ZC4H2: variants seen among roughly 807,000 people sequenced by gnomAD.
The protein encoded by ZC4H2 is zinc finger C4H2 domain-containing protein.
For missense variants in ZC4H2, 137 were observed against 173.9 expected (o/e 0.79, Z 1.19); for synonymous variants, 84 against 66.3 (o/e 1.27, Z -1.30).
chrX:64,925,448 G>A (rs1929386232), intron 1 of ZC4H2, among the ~76,000 whole-genome samples: 1 of 112,034 alleles, frequency 8.9e-6, no homozygotes, highest in African/African-American at 3.2e-5. Flanking sequence ...ACATAAAAAT[G>A]TCAACATAAA....
chrX:64,933,198 T>C (rs1346433054), intron 1 of ZC4H2, among the ~76,000 whole-genome samples: 2 of 112,143 alleles, frequency 1.8e-5, no homozygotes, highest in Admixed American at 1.9e-4. Flanking sequence ...TGTCTTTCAT[T>C]TCCAGTAGCT....
chrX:64,978,316 C>T (rs902904727), upstream of ZC4H2, among the ~76,000 whole-genome samples: 1 of 112,019 alleles, frequency 8.9e-6, no homozygotes, highest in Non-Finnish European at 1.9e-5. Context: ...GATGTAATAA[C>T]TTTCTTAACC....
chrX:64,923,522 C>T (rs1178113478), intron 1 of ZC4H2, among the ~76,000 whole-genome samples: 2 of 110,079 alleles, frequency 1.8e-5, no homozygotes, highest in African/African-American at 3.3e-5. Flanking sequence ...CTGCCATCAG[C>T]CTGCTTGTCT....
chrX:65,007,347 T>A (rs764907688), intron 1 of ZC4H2, among the ~76,000 whole-genome samples: 56 of 112,166 alleles, frequency 5.0e-4, no homozygotes, highest in Non-Finnish European at 9.6e-4. Flanking sequence ...GTTTTCTAGT[T>A]TTTGTTACTG....
At chrX:64,986,971 A>G (rs1932199887) in intron 1 of ZC4H2, among the ~76,000 whole-genome samples, 1 of 91,491 alleles carries the variant, frequency 1.1e-5, no homozygotes, top group African/African-American at 4.5e-5. Flanking sequence ...TCTGTCGCCC[A>G]GGCTGCAGTG....
intron 1 of ZC4H2, among the ~76,000 whole-genome samples, chrX:64,963,165 C>T (rs1177252416): frequency 9.0e-6 from 1 of 111,585 alleles, no homozygotes; most frequent in Non-Finnish European, 1.9e-5. Context: ...ACAAAGTTTA[C>T]AAGAATACAC....
intron 1 of ZC4H2, among the ~76,000 whole-genome samples, chrX:64,974,268 T>C (rs2147419084): frequency 8.9e-6 from 1 of 112,305 alleles, no homozygotes; most frequent in African/African-American, 3.2e-5. Flanking sequence ...TTCTTCTTTA[T>C]GTTTTATATT....
chrX:64,965,495 C>G (rs1350635599), intron 1 of ZC4H2: 1 of 311,913 alleles, frequency 3.2e-6, no homozygotes, highest in Non-Finnish European at 6.2e-6. Context: ...GATCATAGAC[C>G]TAAACGTGAA....
At chrX:64,964,752 T>C (rs1276266029) in intron 1 of ZC4H2, among the ~76,000 whole-genome samples, 3 of 111,485 alleles carry the variant, frequency 2.7e-5, no homozygotes, top group Non-Finnish European at 5.7e-5. Context: ...GGTAACTACA[T>C]AGAAAAATAT....
At chrX:64,974,053 C>T (rs1453125266) in intron 1 of ZC4H2, among the ~76,000 whole-genome samples, 3 of 111,681 alleles carry the variant, frequency 2.7e-5, no homozygotes, top group Non-Finnish European at 5.6e-5. Flanking sequence ...TTTCCCAATA[C>T]TTTTCCAATC....
intron 1 of ZC4H2, among the ~76,000 whole-genome samples, chrX:65,025,299 C>T (rs1932869985): frequency 9.1e-6 from 1 of 109,749 alleles, no homozygotes; most frequent in African/African-American, 3.3e-5. Flanking sequence ...CAGGTGATCA[C>T]CATGTCTGGC....
At chrX:64,954,328 A>G (rs1234211657) in intron 1 of ZC4H2, among the ~76,000 whole-genome samples, 3 of 78,497 alleles carry the variant, frequency 3.8e-5, no homozygotes, top group Non-Finnish European at 6.5e-5. Context: ...TTATATATAT[A>G]TATATATATA....
chrX:64,942,189 T>C (rs1396478185), intron 1 of ZC4H2, among the ~76,000 whole-genome samples: 1 of 111,633 alleles, frequency 9.0e-6, no homozygotes, highest in Non-Finnish European at 1.9e-5. Context: ...ATAAAGGTGT[T>C]TTTAGTATTC....
intron 1 of ZC4H2, chrX:64,922,260 GAAAAAGAAAAAAGAAAAA>G (rs1387024717): frequency 1.5e-5 from 3 of 201,571 alleles, no homozygotes; most frequent in African/African-American, 1.4e-4. Flanking sequence ...AAAAAAAAAA[GAAAAAGAAAAAAGAAAAA>G]AAAAAGAAAA....
chrX:64,948,977 T>G (rs1342317349), intron 1 of ZC4H2, among the ~76,000 whole-genome samples: 2 of 111,857 alleles, frequency 1.8e-5, no homozygotes, highest in Non-Finnish European at 3.8e-5. Context: ...GTATTATTAT[T>G]TTTTCCATAA....
At chrX:65,023,499 TA>T (rs888736294) in intron 1 of ZC4H2, among the ~76,000 whole-genome samples, 1 of 110,852 alleles carries the variant, frequency 9.0e-6, no homozygotes, top group Non-Finnish European at 1.9e-5. Flanking sequence ...AACAAACATA[TA>T]AAAAAAAGCT....
intron 1 of ZC4H2, among the ~76,000 whole-genome samples, chrX:65,024,584 C>T (rs552290542): frequency 3.6e-5 from 4 of 111,508 alleles, no homozygotes; most frequent in East Asian, 5.6e-4. Flanking sequence ...AACAAACAAA[C>T]ACATGCACTT....
intron 1 of ZC4H2, among the ~76,000 whole-genome samples, chrX:64,928,841 T>A (rs1463940054): frequency 9.9e-6 from 1 of 100,515 alleles, no homozygotes; most frequent in African/African-American, 3.7e-5. Flanking sequence ...TCCTCCTCCT[T>A]CTCCTCCTCC....
At chrX:64,933,888 G>A (rs1000644808) in intron 1 of ZC4H2, among the ~76,000 whole-genome samples, 1 of 111,955 alleles carries the variant, frequency 8.9e-6, no homozygotes, top group African/African-American at 3.3e-5. Context: ...AGCTAAGGCA[G>A]GTGAGATGTC....
Sources: gnomAD v4.1 joint callset for allele counts (sites outside exome capture counted in the v4.1 genomes callset) on GRCh38, gnomAD v4.1.1 for gene constraint, MANE v1.5 for transcripts, NCBI Gene and HGNC (gene_info 2026-07-23, HGNC 2026-07-21) for gene names.